Variants in ATP2A1 observed in about 807,000 individuals in gnomAD.
ATP2A1 encodes ATPase sarcoplasmic/endoplasmic reticulum Ca2+ transporting 1, also known as sarcoplasmic/endoplasmic reticulum calcium ATPase 1.
A neutral mutation model predicts 109.5 loss-of-function variants in ATP2A1; 83 were observed. The ratio of observed to expected loss-of-function variants is 0.76; its 90% CI spans 0.63 to 0.91. The LOEUF (loss-of-function observed/expected upper bound fraction) is 0.91, where lower values mean the gene tolerates loss of function less well. Ranked by LOEUF, ATP2A1 falls within the 40% of genes least tolerant of loss-of-function variation. The pLI is 0.00. For missense variants in ATP2A1, 1,101 were observed against 1,341.0 expected, an observed-to-expected ratio of 0.82 and a Z score of 2.80; for synonymous variants, 505 against 537.6, an observed-to-expected ratio of 0.94 and a Z score of 0.84.
At position 28,878,764 on chromosome 16, in the gene ATP2A1, G is replaced by C. The variant is rs986751426; in HGVS notation, c.93G>C (p.Arg31=). The C allele has an allele frequency of 6.2e-7, 1 of 1,613,962 alleles. No individual in the cohort carries two copies. Among genetic ancestry groups the C allele is most frequent in the African/African-American group, 1.3e-5 (1 of 75,024 alleles). The change falls in exon 1 of 23, where the codon CGG becomes CGC. Residue 31 remains arginine, a synonymous_variant. Coordinates refer to ENST00000395503, the MANE Select transcript of ATP2A1 (RefSeq NM_004320.6). The part of the protein sequence containing the change: ...TTGLTPDQVK[R]NLEKYGLNEL... ...GCCTCACCCCGGACCAAGTTAAGCGGAATCTGGAGAAATACGGCCTCAATG... is the reference window on the plus strand; with the variant it reads ...GCCTCACCCCGGACCAAGTTAAGCGCAATCTGGAGAAATACGGCCTCAATG...
In ATP2A1 at chr16:28,894,627, C is replaced by G. The variant is rs375498756; in HGVS notation, c.1287+20C>G. ...AACGAGGTAACCTCTCCTTCCCCTT[C>G]CAGTTGGCTCAGAGTCTGGGCCTCC... On this transcript the variant is annotated intron_variant, in intron 11 of 22. Coordinates refer to ENST00000395503, the MANE Select transcript of ATP2A1 (RefSeq NM_004320.6). The G allele has an allele frequency of 1.2e-5, 20 of 1,613,124 alleles. No individual in the cohort carries two copies. The highest frequency in any genetic ancestry group is 1.2e-4 in the African/African-American group (9 of 74,884).
Position 28,903,592 on chromosome 16 carries a change from C to A in ATP2A1, c.2981-108C>A. ...CCCGTTCCCCCTGCGCCTGCAGGGG[C>A]CACATCTCCGGGGCAGCCCCACTGC... On this transcript the variant is annotated intron_variant, in intron 21 of 22. Coordinates refer to ENST00000395503, the MANE Select transcript of ATP2A1 (RefSeq NM_004320.6). This position sits in a 1 kb window ranked among gnomAD's most constrained non-coding sequence, Gnocchi z 5.6. 8.4e-7 allele frequency: 1 copy of A among 1,195,524 alleles called. No individual in the cohort carries two copies. The highest frequency in any genetic ancestry group is 1.3e-6 in the Non-Finnish European group (1 of 799,646). The allele number at this position is 1,195,524 out of a possible 1,614,324, so 74.1% of individuals were successfully genotyped here.
At chr16:28,892,001 A>C (rs2152207608) in intron 9 of ATP2A1, among the ~76,000 whole-genome samples, 1 of 152,366 alleles carries the variant, frequency 6.6e-6, no homozygotes, top group East Asian at 1.9e-4. Context: ...TTTAAAAACA[A>C]CTTTGTAATT....
chr16:28,895,053 C>G, intron 12 of ATP2A1, 100 bp downstream of exon 12: 1 of 1,537,208 alleles, frequency 6.5e-7, no homozygotes, highest in Non-Finnish European at 8.9e-7. Flanking sequence ...AGTGCCTGTG[C>G]TGGGACCCCA....
Position 28,902,024 on chromosome 16 carries a change from CAA to C in ATP2A1, c.2263_2264del (p.Asn755GlnfsTer30). 1 of 1,614,214 alleles carries C rather than the reference CAA, an allele frequency of 6.2e-7. No individual in the cohort carries two copies. Among genetic ancestry groups the C allele is most frequent in the South Asian group, 1.1e-5 (1 of 91,084 alleles). On this transcript the variant is annotated frameshift_variant, in exon 16 of 23. Coordinates refer to ENST00000395503, the MANE Select transcript of ATP2A1 (RefSeq NM_004320.6). LOFTEE classifies it high-confidence loss of function. This position sits in a 1 kb window ranked among gnomAD's most constrained non-coding sequence, Gnocchi z 4.8. ...AAVEEGRAIY[N>X]NMKQFIRYLI... is the part of the protein sequence containing the mutation. ...CTGTGGAGGAGGGCCGCGCCATCTACAACAACATGAAGCAGTTCATCCGCTAC... is the reference window on the plus strand; with the variant it reads ...CTGTGGAGGAGGGCCGCGCCATCTACCAACATGAAGCAGTTCATCCGCTAC...
At chr16:28,895,761 G>A (rs372626766) in intron 12 of ATP2A1, among the ~76,000 whole-genome samples, 13 of 152,014 alleles carry the variant, frequency 8.6e-5, no homozygotes, top group African/African-American at 2.9e-4. Flanking sequence ...CTACTAGGAA[G>A]GCTAAGGTGT....
intron 9 of ATP2A1, among the ~76,000 whole-genome samples, chr16:28,891,094 G>T (rs562943980): frequency 1.3e-5 from 2 of 152,000 alleles, no homozygotes; most frequent in Non-Finnish European, 2.9e-5. Flanking sequence ...TCAGGATTTC[G>T]AGAATAGCTT....
In ATP2A1 at chr16:28,880,993, G is replaced by A. The variant is rs754436122; in HGVS notation, c.298G>A (p.Ala100Thr). The change falls in exon 4 of 23, where the codon GCC (alanine) becomes ACC (threonine). Residue 100 changes from alanine to threonine, a missense_variant. Coordinates refer to ENST00000395503, the MANE Select transcript of ATP2A1 (RefSeq NM_004320.6). This position sits in a 1 kb window ranked among gnomAD's most constrained non-coding sequence, Gnocchi z 4.2. The part of the protein sequence containing the change: ...EPFVILLILI[A>T]NAIVGVWQER... ...CTTTGTCATCCTCTTGATCCTCATTGCCAATGCCATCGTGGGGGTTTGGCA... is the reference window on the plus strand; with the variant it reads ...CTTTGTCATCCTCTTGATCCTCATTACCAATGCCATCGTGGGGGTTTGGCA... 4 of 1,614,174 alleles carry A rather than the reference G, an allele frequency of 2.5e-6. No homozygotes were observed. The highest frequency in any genetic ancestry group is 4.5e-5 in the East Asian group (2 of 44,878).
chr16:28,879,619 G>A, intron 3 of ATP2A1, 36 bp downstream of exon 3: 1 of 1,603,282 alleles, frequency 6.2e-7, no homozygotes, highest in Non-Finnish European at 8.5e-7. Context: ...CTGGCTGGGG[G>A]TGTGAGGCTG....
In ATP2A1 at chr16:28,903,549, G is replaced by A; in HGVS notation, c.2980+109G>A. 1 of 1,245,510 alleles carries A rather than the reference G, an allele frequency of 8.0e-7. No individual in the cohort carries two copies. Among genetic ancestry groups the A allele is most frequent in the Non-Finnish European group, 1.2e-6 (1 of 856,240 alleles). The allele number at this position is 1,245,510 out of a possible 1,614,324, so 77.2% of individuals were successfully genotyped here. A position where few individuals can be genotyped will look rare whatever the true frequency, so the allele number is the denominator to read the frequency against. On this transcript the variant is annotated intron_variant, in intron 21 of 22. Transcript: ENST00000395503. The surrounding 1 kb of genome is among the most constrained non-coding windows in gnomAD (Gnocchi z 5.6). ...TGCAGGTGGTAAGTTTCTCAGCCCT[G>A]GCAGGACCTGTGTCCGCCCCGTTCC... is the stretch of plus-strand genomic sequence containing the variant.
Position 28,883,461 on chromosome 16 carries a change from A to ATCCCGACCTCCCTCCTCCC in ATP2A1, c.463+876_463+894dup, listed in dbSNP as rs1378884038. On this transcript the variant is annotated intron_variant, in intron 5 of 22. Coordinates refer to ENST00000395503, the MANE Select transcript of ATP2A1 (RefSeq NM_004320.6). The surrounding 1 kb of genome is among the most constrained non-coding windows in gnomAD (Gnocchi z 5.2). ...GTGACAGGGTGTCCCGCCCGACTCT[A>ATCCCGACCTCCCTCCTCCC]TCCCGACCTCCCTCCTCCCTCCTCG... Among the ~76,000 whole-genome samples the ATCCCGACCTCCCTCCTCCC allele has an allele frequency of 1.3e-5, 2 of 152,028 alleles. No homozygotes were observed. The highest frequency in any genetic ancestry group is 2.4e-5 in the African/African-American group (1 of 41,396).
chr16:28,885,906 C>G (rs530139069), intron 6 of ATP2A1, among the ~76,000 whole-genome samples: 8 of 152,154 alleles, frequency 5.3e-5, no homozygotes, highest in African/African-American at 1.9e-4. Context: ...TGGCTCATAC[C>G]TGTAATCCCA....
At position 28,898,301 on chromosome 16, in the gene ATP2A1, G is replaced by A. The variant is rs12596913; in HGVS notation, c.1614G>A (p.Thr538=). The change falls in exon 14 of 23, where the codon ACG becomes ACA. Residue 538 remains threonine, a synonymous_variant. Coordinates refer to ENST00000395503, the MANE Select transcript of ATP2A1 (RefSeq NM_004320.6). The surrounding 1 kb of genome is among the most constrained non-coding windows in gnomAD (Gnocchi z 4.0). ...VRVGTTRVPL[T]GPVKEKIMAV... is the part of the protein sequence containing the mutation. ...TTGGCACCACCCGGGTGCCACTGAC[G>A]GGGCCGGTGAAGGAAAAGATCATGG... is the stretch of plus-strand genomic sequence containing the variant. 15,337 of 1,614,238 alleles carry A rather than the reference G, an allele frequency of 9.5e-3. 476 individuals are homozygous for A. The East Asian group carries it at 0.12, about 13-fold the overall frequency.
chr16:28,903,068 G>A lies in ATP2A1; in HGVS notation c.2783G>A (p.Trp928Ter), dbSNP rs1245553858. The change falls in exon 20 of 23, where the codon TGG (tryptophan) becomes TAG (stop). Residue 928 changes from tryptophan (W) to a stop codon, truncating the protein, a stop_gained. Coordinates refer to ENST00000395503, the MANE Select transcript of ATP2A1 (RefSeq NM_004320.6). LOFTEE classifies it high-confidence loss of function. This position sits in a 1 kb window ranked among gnomAD's most constrained non-coding sequence, Gnocchi z 5.6. Reference sequence around the variant, plus strand: ...CAGTCCCTGCTGCGGATGCCACCCTGGGTGAACATCTGGCTGCTGGGCTCC... The same window carrying A: ...CAGTCCCTGCTGCGGATGCCACCCTAGGTGAACATCTGGCTGCTGGGCTCC... ...ENQSLLRMPP[W>*]VNIWLLGSIC... The A allele has an allele frequency of 1.2e-6, 2 of 1,613,676 alleles. No homozygotes were observed. Among genetic ancestry groups the A allele is most frequent in the Non-Finnish European group, 8.5e-7 (1 of 1,179,986 alleles).
chr16:28,879,196 T>A, intron 2 of ATP2A1, 80 bp downstream of exon 2: 6 of 1,528,780 alleles, frequency 3.9e-6, no homozygotes, highest in Non-Finnish European at 5.4e-6. Flanking sequence ...CCCTGCCTCT[T>A]TAGATTCTTT....
At chr16:28,899,231 A>C (rs1260882087) in intron 14 of ATP2A1, among the ~76,000 whole-genome samples, 3 of 152,234 alleles carry the variant, frequency 2.0e-5, no homozygotes, top group African/African-American at 7.2e-5. Context: ...CCAGAATGGC[A>C]CCACAGTCCC....
intron 9 of ATP2A1, among the ~76,000 whole-genome samples, chr16:28,891,589 C>CAAAAAAAAAA (rs58605175): frequency 2.8e-5 from 2 of 72,666 alleles, no homozygotes; most frequent in African/African-American, 6.6e-5. Context: ...GACTCCGTCT[C>CAAAAAAAAAA]AAAAAAAAAA....
At chr16:28,896,582 T>G (rs971897319) in intron 12 of ATP2A1, among the ~76,000 whole-genome samples, 1 of 152,080 alleles carries the variant, frequency 6.6e-6, no homozygotes, top group Non-Finnish European at 1.5e-5. Flanking sequence ...CCAACTAATT[T>G]TTGTATTTTT....
chr16:28,879,584 G>GT lies in ATP2A1; in HGVS notation c.219+2dup, dbSNP rs1963393368. The GT allele has an allele frequency of 6.2e-7, 1 of 1,614,078 alleles. No homozygotes were observed. The highest frequency in any genetic ancestry group is 1.1e-5 in the South Asian group (1 of 91,078). On this transcript the variant is annotated splice_donor_variant, in intron 3 of 22. Transcript: ENST00000395503. LOFTEE classifies it high-confidence loss of function. ...CCTCCTGGCCGCATGCATTTCCTTC[G>GT]TAAGTGTGGGAGGGTCTCTGGGGGC...
Sources: allele counts gnomAD v4.1 joint callset (sites outside exome capture counted in the v4.1 genomes callset), GRCh38; gene constraint gnomAD v4.1.1; non-coding constraint Gnocchi (gnomAD v3.1); transcripts MANE v1.5; gene names NCBI Gene and HGNC (gene_info 2026-07-23, HGNC 2026-07-21).